EPS8: variants seen among roughly 807,000 people sequenced by gnomAD.
The protein encoded by EPS8 is EGFR pathway substrate 8, signaling adaptor, also known as epidermal growth factor receptor kinase substrate 8.
A neutral mutation model predicts 103.8 loss-of-function variants in EPS8; 42 were observed. That is an observed-to-expected ratio of 0.40 (90% confidence interval 0.32 to 0.52). The LOEUF is 0.52. Ranked by LOEUF, EPS8 falls within the 20% of genes least tolerant of loss-of-function variation. The probability of loss-of-function intolerance (pLI) is 0.40; values close to 1 mark genes in which losing one functional copy is unlikely to be tolerated. For synonymous variants in EPS8, 344 were observed against 344.6 expected, an observed-to-expected ratio of 1.00 and a Z score of 0.02; for missense variants, 969 against 1,005.1, an observed-to-expected ratio of 0.96 and a Z score of 0.49.
At position 15,731,277 on chromosome 12, in the gene EPS8, C is replaced by G. The variant is rs879696144; in HGVS notation, c.-21-48305G>C. Among the ~76,000 whole-genome samples the G allele has an allele frequency of 3.3e-5, 5 of 151,960 alleles. No homozygotes were observed. Among genetic ancestry groups the G allele is most frequent in the Admixed American group, 1.3e-4 (2 of 15,258 alleles). ...ATTCAGAATATAAAACTTTAATAAG[C>G]CTTCCACCATTAAAAATATTTAATT... On this transcript the variant is annotated intron_variant, in intron 1 of 20. Coordinates refer to ENST00000281172, the MANE Select transcript of EPS8 (RefSeq NM_004447.6). This position sits in a 1 kb window ranked among gnomAD's most constrained non-coding sequence, Gnocchi z 5.1.
At chr12:15,737,212 G>A (rs563460595) in intron 1 of EPS8, among the ~76,000 whole-genome samples, 79 of 152,122 alleles carry the variant, frequency 5.2e-4, no homozygotes, top group Admixed American at 1.9e-3. Context: ...ATTTGGTGCC[G>A]TAATAGAGGT....
chr12:15,727,156 C>A lies in EPS8; in HGVS notation c.-21-44184G>T, dbSNP rs1835066324. ...TTAAATCTAAGTTAAGTACAAGTGA[C>A]TACGTTTTTACTGTTTAAATTTTTT... On this transcript the variant is annotated intron_variant, in intron 1 of 20. Transcript: ENST00000281172. This position sits in a 1 kb window ranked among gnomAD's most constrained non-coding sequence, Gnocchi z 4.3. 6.6e-6 allele frequency among the ~76,000 whole-genome samples: 1 copy of A among 152,160 alleles called. No individual in the cohort carries two copies. Among genetic ancestry groups the A allele is most frequent in the Non-Finnish European group, 1.5e-5 (1 of 68,022 alleles).
Position 15,747,292 on chromosome 12 carries a change from G to A in EPS8, c.-22+41869C>T, listed in dbSNP as rs1480573168. Among the ~76,000 whole-genome samples the A allele has an allele frequency of 2.0e-5, 3 of 152,072 alleles. No homozygotes were observed. The highest frequency in any genetic ancestry group is 7.2e-5 in the African/African-American group (3 of 41,396). On this transcript the variant is annotated intron_variant, in intron 1 of 20. Transcript: ENST00000281172. The surrounding 1 kb of genome is among the most constrained non-coding windows in gnomAD (Gnocchi z 4.4). ...TGATTTTATTTTGGTTCTTTTAAGT[G>A]CATGGTCTAATTTATTAATGGTAAG...
chr12:15,696,965 G>T lies in EPS8; in HGVS notation c.-21-13993C>A, dbSNP rs190087358. On this transcript the variant is annotated intron_variant, in intron 1 of 20. Coordinates refer to ENST00000281172, the MANE Select transcript of EPS8 (RefSeq NM_004447.6). The surrounding 1 kb of genome is among the most constrained non-coding windows in gnomAD (Gnocchi z 4.8). Reference sequence around the variant, plus strand: ...GATTTTTGTTTGGGAATTTCAGATAGATTTGTTTGGGTAAGTAAGCTATTT... The same window carrying T: ...GATTTTTGTTTGGGAATTTCAGATATATTTGTTTGGGTAAGTAAGCTATTT... Among the ~76,000 whole-genome samples the T allele has an allele frequency of 5.8e-4, 88 of 152,294 alleles. 1 individual carries two copies. The highest frequency in any genetic ancestry group is 2.0e-3 in the African/African-American group (84 of 41,568).
At chr12:15,663,760 T>C (rs1945648439) in intron 8 of EPS8, among the ~76,000 whole-genome samples, 1 of 149,848 alleles carries the variant, frequency 6.7e-6, no homozygotes, top group African/African-American at 2.5e-5. Context: ...CCATCTCTAC[T>C]AAAAATACAA....
Position 15,717,500 on chromosome 12 carries a change from T to A in EPS8, c.-21-34528A>T, listed in dbSNP as rs1946545561. 6.6e-6 allele frequency among the ~76,000 whole-genome samples: 1 copy of A among 152,078 alleles called. No individual in the cohort carries two copies. The highest frequency in any genetic ancestry group is 1.5e-5 in the Non-Finnish European group (1 of 68,026). On this transcript the variant is annotated intron_variant, in intron 1 of 20. Coordinates refer to ENST00000281172, the MANE Select transcript of EPS8 (RefSeq NM_004447.6). This position sits in a 1 kb window ranked among gnomAD's most constrained non-coding sequence, Gnocchi z 4.3. ...TACTTGGGAGGCTGAGGCAGCAGAA[T>A]TGCTTAAGCCCCGGAGGCAGAGGTT...
intron 17 of EPS8, chr12:15,634,902 A>G (rs1329815500): frequency 2.6e-6 from 1 of 391,590 alleles, no homozygotes. Flanking sequence ...CCCACAATCA[A>G]CCAGTGAAGG....
chr12:15,757,309 T>C lies in EPS8; in HGVS notation c.-22+31852A>G, dbSNP rs1236951160. Among the ~76,000 whole-genome samples, 2 of 152,108 alleles carry C rather than the reference T, an allele frequency of 1.3e-5. No homozygotes were observed. The highest frequency in any genetic ancestry group is 2.4e-5 in the African/African-American group (1 of 41,406). The stretch of plus-strand genomic sequence containing the variant: ...AACTTTCCTTCAGATTGCATATTAA[T>C]AACAAAGAGGTAAAGGTATTTATTT... On this transcript the variant is annotated intron_variant, in intron 1 of 20. Coordinates refer to ENST00000281172, the MANE Select transcript of EPS8 (RefSeq NM_004447.6). The surrounding 1 kb of genome is among the most constrained non-coding windows in gnomAD (Gnocchi z 4.1).
chr12:15,786,612 T>C (rs1311046892), intron 1 of EPS8, among the ~76,000 whole-genome samples: 1 of 152,138 alleles, frequency 6.6e-6, no homozygotes. Flanking sequence ...TGGGGGTATA[T>C]AGACACCGTA....
chr12:15,666,385 A>C, intron 7 of EPS8, 55 bp downstream of exon 7: 1 of 1,358,202 alleles, frequency 7.4e-7, no homozygotes, highest in Admixed American at 1.8e-5. Context: ...TCTTTGGGGA[A>C]AAAAGCCTTA....
intron 1 of EPS8, among the ~76,000 whole-genome samples, chr12:15,729,203 A>G (rs1946686510): frequency 6.6e-6 from 1 of 152,152 alleles, no homozygotes; most frequent in Admixed American, 6.5e-5. Flanking sequence ...CTGCAATTTG[A>G]ATAAGATATG....
At position 15,623,289 on chromosome 12, in the gene EPS8, T is replaced by TAAAA; in HGVS notation, c.2226-6_2226-3dup. 3 of 1,333,226 alleles carry TAAAA rather than the reference T, an allele frequency of 2.3e-6. No individual in the cohort carries two copies. The highest frequency in any genetic ancestry group is 3.1e-5 in the African/African-American group (2 of 65,442). The allele number at this position is 1,333,226 out of a possible 1,614,324, so 82.6% of individuals were successfully genotyped here. A position where few individuals can be genotyped will look rare whatever the true frequency, so the allele number is the denominator to read the frequency against. Reference sequence around the variant, plus strand: ...AATACTCCAAGACTATTGACAGTCCTAAAAAAAAAAAAAGGAAAAAGAAAC... The same window carrying TAAAA: ...AATACTCCAAGACTATTGACAGTCCTAAAAAAAAAAAAAAAAAGGAAAAAGAAAC... On this transcript the variant is annotated splice_region_variant and splice_polypyrimidine_tract_variant and intron_variant, in intron 19 of 20. Coordinates refer to ENST00000281172, the MANE Select transcript of EPS8 (RefSeq NM_004447.6).
chr12:15,631,875 A>G (rs1591803815), intron 17 of EPS8: 1 of 461,564 alleles, frequency 2.2e-6, no homozygotes, highest in South Asian at 3.4e-5. Context: ...AACATTAGTT[A>G]AGGAGTCACA....
rs939527937 is a variant in EPS8, at chr12:15,728,379, C to T, written c.-21-45407G>A. 1 of 152,080 alleles carries T rather than the reference C, an allele frequency of 6.6e-6. No homozygotes were observed. Among genetic ancestry groups the T allele is most frequent in the Non-Finnish European group, 1.5e-5 (1 of 68,026 alleles). The allele number at this position is 152,080 out of a possible 1,614,324, so 9.4% of individuals were successfully genotyped here. A position where few individuals can be genotyped will look rare whatever the true frequency, so the allele number is the denominator to read the frequency against. On this transcript the variant is annotated intron_variant, in intron 1 of 20. Coordinates refer to ENST00000281172, the MANE Select transcript of EPS8 (RefSeq NM_004447.6). The surrounding 1 kb of genome is among the most constrained non-coding windows in gnomAD (Gnocchi z 4.5). ...GTGTCCTTGCCATGCTAATAACAATCCAAGATGAAGCTTAAAGAAACTACA... is the reference window on the plus strand; with the variant it reads ...GTGTCCTTGCCATGCTAATAACAATTCAAGATGAAGCTTAAAGAAACTACA...
chr12:15,780,348 C>G lies in EPS8; in HGVS notation c.-22+8813G>C, dbSNP rs559110782. 6.6e-6 allele frequency among the ~76,000 whole-genome samples: 1 copy of G among 151,786 alleles called. No individual in the cohort carries two copies. Among genetic ancestry groups the G allele is most frequent in the Non-Finnish European group, 1.5e-5 (1 of 68,020 alleles). ...ATGTCAAACATGCTCATCTTTCTAC[C>G]TGGAGAGAGATGAGCGTCTCGCTTT... On this transcript the variant is annotated intron_variant, in intron 1 of 20. Transcript: ENST00000281172. The surrounding 1 kb of genome is among the most constrained non-coding windows in gnomAD (Gnocchi z 4.1).
At chr12:15,710,123 G>A (rs1388685592) in intron 1 of EPS8, among the ~76,000 whole-genome samples, 1 of 152,162 alleles carries the variant, frequency 6.6e-6, no homozygotes, top group Non-Finnish European at 1.5e-5. Flanking sequence ...TACTCACTAT[G>A]TCATTTGGTC....
intron 3 of EPS8, 81 bp downstream of exon 3, chr12:15,681,145 G>A (rs895017822): frequency 6.2e-5 from 36 of 584,012 alleles, no homozygotes; most frequent in South Asian, 3.8e-4. Context: ...AAATGTGTGG[G>A]TTCAAACCAT....
chr12:15,714,414 G>A lies in EPS8; in HGVS notation c.-21-31442C>T, dbSNP rs117162864. Reference sequence around the variant, plus strand: ...CCAGCTCTTTGATAGGCCACGGGTGGGAGGATCCCTTGAGTCCAGGAAGTC... The same window carrying A: ...CCAGCTCTTTGATAGGCCACGGGTGAGAGGATCCCTTGAGTCCAGGAAGTC... On this transcript the variant is annotated intron_variant, in intron 1 of 20. Transcript: ENST00000281172. This position sits in a 1 kb window ranked among gnomAD's most constrained non-coding sequence, Gnocchi z 4.1. Among the ~76,000 whole-genome samples, 207 of 152,238 alleles carry A rather than the reference G, an allele frequency of 1.4e-3. 5 individuals carry two copies. The East Asian group carries it at 0.037, about 27-fold the overall frequency.
rs1591793149 is a variant in EPS8, at chr12:15,620,349, A to C, written c.*968T>G. ...ATTTAATGACAAAAATTGTGTTTCC[A>C]AAAATAACATTTGTTGAAGGTTAGG... On this transcript the variant is annotated 3_prime_UTR_variant, in exon 21 of 21. Transcript: ENST00000281172. 1 of 152,782 alleles carries C rather than the reference A, an allele frequency of 6.5e-6. No homozygotes were observed. The highest frequency in any genetic ancestry group is 1.5e-5 in the Non-Finnish European group (1 of 68,032). The allele number at this position is 152,782 out of a possible 1,614,324, so 9.5% of individuals were successfully genotyped here.
Sources: allele counts gnomAD v4.1 joint callset (sites outside exome capture counted in the v4.1 genomes callset), GRCh38; gene constraint gnomAD v4.1.1; non-coding constraint Gnocchi (gnomAD v3.1); transcripts MANE v1.5; gene names NCBI Gene and HGNC (gene_info 2026-07-23, HGNC 2026-07-21).